Variants in CDH13 observed in about 807,000 individuals in gnomAD.
The protein encoded by CDH13 is cadherin-13.
A neutral mutation model predicts 63.8 loss-of-function variants in CDH13; 24 were observed. The observed-to-expected ratio is 0.38, with a 90% CI of 0.27 to 0.53. The LOEUF is 0.53. Ranked by LOEUF, CDH13 falls within the 20% of genes least tolerant of loss-of-function variation. The probability of loss-of-function intolerance (pLI) is 0.85; values close to 1 mark genes in which losing one functional copy is unlikely to be tolerated. For synonymous variants in CDH13, 503 were observed against 355.3 expected (o/e 1.42, Z -4.67); for missense variants, 1,049 against 903.1 (o/e 1.16, Z -2.07).
chr16:82,714,566 T>C (rs1176568189), intron 1 of CDH13, among the ~76,000 whole-genome samples: 1 of 151,176 alleles, frequency 6.6e-6, no homozygotes, highest in Non-Finnish European at 1.5e-5. Context: ...ATATATAAAT[T>C]AGCTGGGTGT....
chr16:83,291,282 A>G (rs1251993425), intron 5 of CDH13, among the ~76,000 whole-genome samples: 1 of 152,196 alleles, frequency 6.6e-6, no homozygotes, highest in Non-Finnish European at 1.5e-5. Flanking sequence ...GAGGTCACGT[A>G]GTAAATATAT....
At chr16:82,693,247 C>T (rs1209009873) in intron 1 of CDH13, among the ~76,000 whole-genome samples, 4 of 152,202 alleles carry the variant, frequency 2.6e-5, no homozygotes, top group Non-Finnish European at 1.5e-5. Context: ...TGCCCTGTTT[C>T]CTGACCCAGT....
At position 83,410,476 on chromosome 16, in the gene CDH13, T is replaced by C. The variant is rs539015240; in HGVS notation, c.781+65470T>C. 2.0e-4 allele frequency among the ~76,000 whole-genome samples: 30 copies of C among 152,336 alleles called. 1 individual carries two copies. The highest frequency in any genetic ancestry group is 6.7e-4 in the African/African-American group (28 of 41,564). On this transcript the variant is annotated intron_variant, in intron 6 of 13. Coordinates refer to ENST00000567109, the MANE Select transcript of CDH13 (RefSeq NM_001257.5). ...AGATCAAGATAATGCCAGACTCTAA[T>C]TTCAGTGTTTAGCAAGGTTACTGGC...
At chr16:83,054,760 A>G (rs1407856615) in intron 3 of CDH13, among the ~76,000 whole-genome samples, 1 of 152,148 alleles carries the variant, frequency 6.6e-6, no homozygotes, top group African/African-American at 2.4e-5. Context: ...ACTTTAACAC[A>G]TTTCTACATA....
chr16:82,811,841 C>T (rs573795986), intron 1 of CDH13, among the ~76,000 whole-genome samples: 1 of 152,228 alleles, frequency 6.6e-6, no homozygotes, highest in African/African-American at 2.4e-5. Flanking sequence ...TTACACCACT[C>T]AACTTAATAA....
At chr16:83,375,502 A>T (rs74035609) in intron 6 of CDH13, among the ~76,000 whole-genome samples, 1 of 152,222 alleles carries the variant, frequency 6.6e-6, no homozygotes, top group Non-Finnish European at 1.5e-5. Context: ...GGACTCTGGG[A>T]ACTTGAAGAT....
intron 2 of CDH13, among the ~76,000 whole-genome samples, chr16:83,013,088 G>C (rs543125993): frequency 6.6e-6 from 1 of 152,312 alleles, no homozygotes; most frequent in African/African-American, 2.4e-5. Context: ...GAAAAAATAT[G>C]ACCTTGGCCT....
chr16:83,442,498 C>T (rs965517324), intron 6 of CDH13, among the ~76,000 whole-genome samples: 26 of 152,192 alleles, frequency 1.7e-4, no homozygotes, highest in Non-Finnish European at 3.4e-4. Context: ...CCTTGGAGAA[C>T]TCAGTGATGG....
intron 7 of CDH13, among the ~76,000 whole-genome samples, chr16:83,508,053 G>GGAAGGAAGGAAGGA (rs1567722085): frequency 3.0e-5 from 2 of 67,790 alleles, no homozygotes; most frequent in Non-Finnish European, 5.4e-5. Context: ...GAGAGAAAGA[G>GGAAGGAAGGAAGGA]AAGAAGGAAG....
At chr16:82,811,181 C>A (rs757104974) in intron 1 of CDH13, among the ~76,000 whole-genome samples, 2 of 152,148 alleles carry the variant, frequency 1.3e-5, no homozygotes, top group African/African-American at 4.8e-5. Flanking sequence ...AAGCTGATTA[C>A]GCGAATTTCT....
intron 6 of CDH13, among the ~76,000 whole-genome samples, chr16:83,355,989 A>G (rs1008744377): frequency 3.3e-5 from 5 of 152,192 alleles, no homozygotes; most frequent in Non-Finnish European, 7.3e-5. Flanking sequence ...CAGGGAGGTT[A>G]GGTGACTCCG....
intron 6 of CDH13, among the ~76,000 whole-genome samples, chr16:83,464,027 C>A (rs893529190): frequency 1.3e-5 from 2 of 152,158 alleles, no homozygotes; most frequent in Non-Finnish European, 2.9e-5. Flanking sequence ...AAACATCAGC[C>A]AGATTCGGAA....
At chr16:83,267,505 G>A (rs1031240728) in intron 5 of CDH13, among the ~76,000 whole-genome samples, 2 of 152,204 alleles carry the variant, frequency 1.3e-5, no homozygotes, top group African/African-American at 4.8e-5. Context: ...TTGCCACTGT[G>A]ATGATATTAA....
chr16:83,203,157 G>T (rs541232581), intron 4 of CDH13, among the ~76,000 whole-genome samples: 14 of 151,738 alleles, frequency 9.2e-5, no homozygotes, highest in African/African-American at 3.4e-4. Flanking sequence ...CTGGCAGGTG[G>T]AGGTTGTGGT....
At chr16:83,272,464 A>G (rs1178654894) in intron 5 of CDH13, among the ~76,000 whole-genome samples, 2 of 152,178 alleles carry the variant, frequency 1.3e-5, no homozygotes, top group African/African-American at 4.8e-5. Flanking sequence ...TTAATACCAC[A>G]CGGGTATTTT....
chr16:83,107,850 C>T lies in CDH13; in HGVS notation c.367-17535C>T, dbSNP rs537016563. Among the ~76,000 whole-genome samples the T allele has an allele frequency of 2.7e-3, 409 of 151,524 alleles. 1 individual carries two copies. The highest frequency in any genetic ancestry group is 4.2e-3 in the Admixed American group (64 of 15,208). On this transcript the variant is annotated intron_variant, in intron 3 of 13. Coordinates refer to ENST00000567109, the MANE Select transcript of CDH13 (RefSeq NM_001257.5). Reference sequence around the variant, plus strand: ...CTTTTCTTTTCTTGAGACGGCATCTCGCTCTGTTGCCCAGGCTGGAGTGCA... The same window carrying T: ...CTTTTCTTTTCTTGAGACGGCATCTTGCTCTGTTGCCCAGGCTGGAGTGCA...
intron 3 of CDH13, among the ~76,000 whole-genome samples, chr16:83,107,677 CT>C (rs2034839351): frequency 6.6e-6 from 1 of 150,896 alleles, no homozygotes; most frequent in African/African-American, 2.4e-5. Flanking sequence ...GCTGAATTCT[CT>C]TTCTCTCTGT....
chr16:82,734,581 T>C (rs532963281), intron 1 of CDH13, among the ~76,000 whole-genome samples: 1 of 152,210 alleles, frequency 6.6e-6, no homozygotes, highest in African/African-American at 2.4e-5. Flanking sequence ...CTGTCTTAGG[T>C]TGAAGAAGCA....
intron 5 of CDH13, among the ~76,000 whole-genome samples, chr16:83,240,911 T>G (rs185085389): frequency 6.6e-6 from 1 of 152,028 alleles, no homozygotes; most frequent in Non-Finnish European, 1.5e-5. Flanking sequence ...TCCACTCACA[T>G]TGTTGTGTGA....
Sources: allele counts gnomAD v4.1 joint callset (sites outside exome capture counted in the v4.1 genomes callset), GRCh38; gene constraint gnomAD v4.1.1; transcripts MANE v1.5; gene names NCBI Gene and HGNC (gene_info 2026-07-23, HGNC 2026-07-21).